The following PRIM1 variants were observed in gnomAD, a reference collection of about 807,000 sequenced individuals.
PRIM1 encodes DNA primase small subunit.
A neutral mutation model predicts 60.2 loss-of-function variants in PRIM1; 38 were observed. The ratio of observed to expected loss-of-function variants is 0.63; its 90% CI spans 0.49 to 0.83. The LOEUF is 0.83. PRIM1 is among the 40% of genes least tolerant of loss of function. PRIM1 has a pLI of 0.00. For missense variants in PRIM1, 388 were observed against 506.2 expected (o/e 0.77, Z 2.24); for synonymous variants, 158 against 160.2 (o/e 0.99, Z 0.10).
chr12:56,734,509 C>G (rs890260671), intron 11 of PRIM1, among the ~76,000 whole-genome samples: 1 of 151,778 alleles, frequency 6.6e-6, no homozygotes, highest in African/African-American at 2.4e-5. Context: ...AAGGGATCTT[C>G]CCATCTCTGC....
At chr12:56,741,662 C>A in intron 8 of PRIM1, 84 bp downstream of exon 8, 1 of 1,573,972 alleles carries the variant, frequency 6.4e-7, no homozygotes, top group Non-Finnish European at 8.6e-7. Flanking sequence ...GATCTTCAAC[C>A]ATCTTTAACT....
chr12:56,745,581 T>C (rs1401875760), intron 5 of PRIM1, among the ~76,000 whole-genome samples: 1 of 152,148 alleles, frequency 6.6e-6, no homozygotes, highest in African/African-American at 2.4e-5. Flanking sequence ...TTAAAACATG[T>C]AGCTACTATG....
intron 2 of PRIM1, among the ~76,000 whole-genome samples, chr12:56,748,175 C>T (rs1953921519): frequency 6.6e-6 from 1 of 152,082 alleles, no homozygotes; most frequent in Admixed American, 6.6e-5. Context: ...ACTTGGACAA[C>T]AAGTACAATT....
At chr12:56,747,882 T>G (rs1953919482) in intron 2 of PRIM1, among the ~76,000 whole-genome samples, 1 of 152,148 alleles carries the variant, frequency 6.6e-6, no homozygotes, top group Admixed American at 6.5e-5. Flanking sequence ...ACCCAATTTA[T>G]ACCTCAGAAC....
At position 56,747,995 on chromosome 12, in the gene PRIM1, C is replaced by A. The variant is rs369549927; in HGVS notation, c.262-963G>T. 4.1e-4 allele frequency among the ~76,000 whole-genome samples: 62 copies of A among 151,944 alleles called. 1 individual carries two copies. In the East Asian group the frequency reaches 0.01, roughly 25 times the overall value. On this transcript the variant is annotated intron_variant, in intron 2 of 12. Transcript: ENST00000338193. Reference sequence around the variant, plus strand: ...AAACAGGAAGATTTTTCAAGGCCACCCTTGACTGAAGGAAAAAAAAAAGGA... The same window carrying A: ...AAACAGGAAGATTTTTCAAGGCCACACTTGACTGAAGGAAAAAAAAAAGGA...
At position 56,734,156 on chromosome 12, in the gene PRIM1, TA is replaced by T; in HGVS notation, c.1233del (p.Lys412ArgfsTer?). On this transcript the variant is annotated frameshift_variant, in exon 12 of 13. Transcript: ENST00000338193. LOFTEE classifies it high-confidence loss of function. ...NLDKSRKGEL[L>X]KKSDLQKDF The stretch of plus-strand genomic sequence containing the variant: ...AGGCATAGCGTCTTACCACTCTTCT[TA>T]AGAAGTTCTCCTTTTCGGGATTTAT... 1 of 1,597,222 alleles carries T rather than the reference TA, an allele frequency of 6.3e-7. No individual in the cohort carries two copies. Among genetic ancestry groups the T allele is most frequent in the Non-Finnish European group, 8.6e-7 (1 of 1,165,602 alleles).
chr12:56,736,377 C>T (rs1330892297), intron 11 of PRIM1, among the ~76,000 whole-genome samples: 1 of 146,648 alleles, frequency 6.8e-6, no homozygotes, highest in Non-Finnish European at 1.5e-5. Flanking sequence ...ATAATGATAC[C>T]CAATGGGAAA....
intron 5 of PRIM1, among the ~76,000 whole-genome samples, chr12:56,745,286 C>G (rs1195162543): frequency 1.3e-5 from 2 of 151,880 alleles, no homozygotes; most frequent in Non-Finnish European, 2.9e-5. Context: ...TGGCGCATGC[C>G]TTTAGTCCCA....
chr12:56,731,819 G>A (rs1953787349), intron 12 of PRIM1, 85 bp from the exon 13 acceptor site: 5 of 1,125,054 alleles, frequency 4.4e-6, no homozygotes, highest in Non-Finnish European at 6.3e-6. Context: ...TTTGCCTAAT[G>A]CTTCTATTTA....
intron 2 of PRIM1, 103 bp downstream of exon 2, chr12:56,750,935 C>T (rs1370138889): frequency 2.1e-5 from 17 of 803,530 alleles, no homozygotes; most frequent in Non-Finnish European, 2.9e-5. Context: ...GGCTTTTCAT[C>T]TAGAATAAAC....
Position 56,752,307 on chromosome 12 carries a change from G to T in PRIM1, c.-9C>A. 1 of 1,558,798 alleles carries T rather than the reference G, an allele frequency of 6.4e-7. No individual in the cohort carries two copies. Among genetic ancestry groups the T allele is most frequent in the South Asian group, 1.2e-5 (1 of 85,184 alleles). ...GGGTCAAACGTCTCCATTGAGCGCG[G>T]AACTCGCCACGGTAAGGATTACCAC... On this transcript the variant is annotated 5_prime_UTR_variant, in exon 1 of 13. Transcript: ENST00000338193.
chr12:56,739,003 A>G (rs1255368601), intron 10 of PRIM1, among the ~76,000 whole-genome samples: 1 of 152,238 alleles, frequency 6.6e-6, no homozygotes, highest in African/African-American at 2.4e-5. Flanking sequence ...TTTTTCATGC[A>G]TATTATCATA....
intron 2 of PRIM1, 70 bp downstream of exon 2, chr12:56,750,968 G>A (rs1438198706): frequency 1.2e-5 from 13 of 1,068,994 alleles, no homozygotes; most frequent in African/African-American, 3.3e-5. Flanking sequence ...ATCTCAAAAC[G>A]CAAGAGGAAT....
intron 11 of PRIM1, among the ~76,000 whole-genome samples, chr12:56,736,662 C>G (rs576807705): frequency 6.6e-6 from 1 of 152,072 alleles, no homozygotes; most frequent in African/African-American, 2.4e-5. Flanking sequence ...CACCACCATG[C>G]CTGGCTAATT....
chr12:56,745,409 T>TCAAAA lies in PRIM1; in HGVS notation c.579+631_579+635dup, dbSNP rs901846019. Among the ~76,000 whole-genome samples the TCAAAA allele has an allele frequency of 2.4e-3, 361 of 150,472 alleles. 1 individual carries two copies. Among genetic ancestry groups the TCAAAA allele is most frequent in the African/African-American group, 7.4e-3 (305 of 41,006 alleles). On this transcript the variant is annotated intron_variant, in intron 5 of 12. Coordinates refer to ENST00000338193, the MANE Select transcript of PRIM1 (RefSeq NM_000946.3). The stretch of plus-strand genomic sequence containing the variant: ...CTGGGTGACAGGGTGAGACCGTGTC[T>TCAAAA]CAAAACAAAACAAAACAAAACAAAA...
At chr12:56,745,048 G>A (rs138924902) in intron 5 of PRIM1, among the ~76,000 whole-genome samples, 104 of 151,432 alleles carry the variant, frequency 6.9e-4, no homozygotes, top group Middle Eastern at 3.4e-3. Flanking sequence ...CGGAGGTTGT[G>A]GTGAGCCAAG....
chr12:56,738,092 C>G (rs1320497497), intron 11 of PRIM1, among the ~76,000 whole-genome samples: 1 of 152,296 alleles, frequency 6.6e-6, no homozygotes, highest in Admixed American at 6.5e-5. Flanking sequence ...ATAAAACCCA[C>G]CTATATGCAT....
rs985572744 is a variant in PRIM1 at position 56,739,371 on chromosome 12, A to G, written c.983-8T>C. The G allele has an allele frequency of 6.5e-7, 1 of 1,538,480 alleles. No individual in the cohort carries two copies. The highest frequency in any genetic ancestry group is 1.2e-5 in the South Asian group (1 of 82,412). ...TAGGCACAGATATGCGACCTGTAAGACACAAAAGTTATAAACTGATGATTG... is the reference window on the plus strand; with the variant it reads ...TAGGCACAGATATGCGACCTGTAAGGCACAAAAGTTATAAACTGATGATTG... On this transcript the variant is annotated splice_region_variant and splice_polypyrimidine_tract_variant and intron_variant, in intron 9 of 12. Coordinates refer to ENST00000338193, the MANE Select transcript of PRIM1 (RefSeq NM_000946.3).
At position 56,744,089 on chromosome 12, in the gene PRIM1, C is replaced by T. The variant is rs372669439; in HGVS notation, c.614G>A (p.Ser205Asn). The T allele has an allele frequency of 2.9e-5, 45 of 1,571,492 alleles. No homozygotes were observed. In the African/African-American group the frequency reaches 4.5e-4, roughly 16 times the overall value. ...GQDVKKKVHL[S>N]EKIHPFIRKS... The stretch of plus-strand genomic sequence containing the variant: ...CCTGATAAAAGGGTGAATTTTTTCA[C>T]TTAGGTGAACTTTCTTTTTAACGTC... Residue 205 changes from serine (S) to asparagine (N), a missense_variant, in exon 6 of 13, where the codon AGT (serine) becomes AAT (asparagine). Around this residue, in one of 3 missense-constraint regions of PRIM1, gnomAD observed 211 missense variants for 277.9 expected, o/e 0.76. Transcript: ENST00000338193.
Sources: gnomAD v4.1 joint callset for allele counts (sites outside exome capture counted in the v4.1 genomes callset) on GRCh38, gnomAD v4.1.1 for gene constraint, gnomAD v4.1.1 regional missense constraint, MANE v1.5 for transcripts, NCBI Gene and HGNC (gene_info 2026-07-23, HGNC 2026-07-21) for gene names.